MIGA1: variants seen among roughly 807,000 people sequenced by gnomAD.
MIGA1 encodes the protein family with sequence similarity 73, member A.
In MIGA1, 58 loss-of-function variants were observed where a neutral mutation model predicts 82.0. That is an observed-to-expected ratio of 0.71 (90% CI 0.57 to 0.88). MIGA1 has a LOEUF of 0.88. Among genes scored for constraint, MIGA1 ranks in the 40% least tolerant of loss-of-function variants. The probability of loss-of-function intolerance (pLI) is 0.00; values close to 1 mark genes in which losing one functional copy is unlikely to be tolerated. For synonymous variants in MIGA1, 249 were observed against 253.6 expected, an observed-to-expected ratio of 0.98 and a Z score of 0.17; for missense variants, 751 against 749.1, an observed-to-expected ratio of 1.00 and a Z score of -0.03.
At chr1:77,781,538 T>G (rs1467913838) in intron 1 of MIGA1, among the ~76,000 whole-genome samples, 1 of 152,176 alleles carries the variant, frequency 6.6e-6, no homozygotes, top group South Asian at 2.1e-4. Context: ...ACAAACAGAC[T>G]TATAAGGAAA....
At chr1:77,865,496 G>T (rs1307315746) in intron 13 of MIGA1, among the ~76,000 whole-genome samples, 1 of 152,102 alleles carries the variant, frequency 6.6e-6, no homozygotes, top group Non-Finnish European at 1.5e-5. Flanking sequence ...AGGAGGCTGA[G>T]GTGGGAGGTT....
chr1:77,812,707 T>C (rs971540096), intron 5 of MIGA1, among the ~76,000 whole-genome samples: 2 of 152,224 alleles, frequency 1.3e-5, no homozygotes, highest in African/African-American at 4.8e-5. Context: ...TGCATAGTTA[T>C]TTTTGTAAGC....
intron 12 of MIGA1, 106 bp from the exon 13 acceptor site, chr1:77,863,788 T>C (rs1685558957): frequency 1.3e-6 from 1 of 747,562 alleles, no homozygotes; most frequent in South Asian, 2.5e-5. Context: ...TTGAATAAGC[T>C]GATTAAAAAA....
chr1:77,838,254 C>T (rs534814869), intron 7 of MIGA1, among the ~76,000 whole-genome samples: 1 of 152,274 alleles, frequency 6.6e-6, no homozygotes, highest in South Asian at 2.1e-4. Context: ...CAAGATGGCT[C>T]TTCTTGTAAT....
chr1:77,800,342 G>A (rs1682824771), intron 2 of MIGA1, among the ~76,000 whole-genome samples: 3 of 152,130 alleles, frequency 2.0e-5, no homozygotes, highest in Admixed American at 2.0e-4. Context: ...TCTTGCTAAC[G>A]TCATGCTATG....
intron 5 of MIGA1, among the ~76,000 whole-genome samples, chr1:77,807,729 A>G (rs933045925): frequency 6.6e-6 from 1 of 152,050 alleles, no homozygotes; most frequent in Non-Finnish European, 1.5e-5. Context: ...GTGGCTTCCA[A>G]CATTGTTTGG....
At chr1:77,800,417 G>C (rs1365871866) in intron 2 of MIGA1, among the ~76,000 whole-genome samples, 1 of 152,108 alleles carries the variant, frequency 6.6e-6, no homozygotes, top group Non-Finnish European at 1.5e-5. Context: ...GTTAGTTTAG[G>C]GGGCAATTGG....
At chr1:77,871,550 A>G (rs1646834581) in intron 14 of MIGA1, among the ~76,000 whole-genome samples, 2 of 152,020 alleles carry the variant, frequency 1.3e-5, no homozygotes, top group South Asian at 4.1e-4. Context: ...TGTCTTGGAG[A>G]CTGTAAAATA....
In MIGA1 at chr1:77,823,088, G is replaced by T. The variant is rs1337997030; in HGVS notation, c.895+7857G>T. Among the ~76,000 whole-genome samples the T allele has an allele frequency of 5.3e-5, 8 of 151,990 alleles. No individual in the cohort carries two copies. In the South Asian group the frequency reaches 8.3e-4, roughly 16 times the overall value. ...GAACTCCTGACCTCGTGATCCTCCC[G>T]CCTCGGCCTCCCAAAGTGCTGGAAT... On this transcript the variant is annotated intron_variant, in intron 7 of 15. Coordinates refer to ENST00000370791, the MANE Select transcript of MIGA1 (RefSeq NM_198549.4).
chr1:77,878,882 A>T lies in MIGA1; in HGVS notation c.*3818A>T, dbSNP rs927498615. ...TCATAAAGTAATATTCTTTATTTGC[A>T]TCCATTTACTATGATTCCGTTAATT... On this transcript the variant is annotated 3_prime_UTR_variant, in exon 16 of 16. Transcript: ENST00000370791. 2.0e-5 allele frequency: 7 copies of T among 356,658 alleles called. No homozygotes were observed. The Admixed American group carries it at 2.4e-4, about 12-fold the overall frequency. The allele number at this position is 356,658 out of a possible 1,614,324, so 22.1% of individuals were successfully genotyped here.
rs1318123731 is a variant in MIGA1, at chr1:77,875,086, T to C, written c.*22T>C. ...ATAAGTACCATAAGAATCATACAAT[T>C]TGAGTGTGCTATGAAATATTTTAAG... On this transcript the variant is annotated 3_prime_UTR_variant, in exon 16 of 16. Coordinates refer to ENST00000370791, the MANE Select transcript of MIGA1 (RefSeq NM_198549.4). 1 of 1,540,554 alleles carries C rather than the reference T, an allele frequency of 6.5e-7. No homozygotes were observed. The highest frequency in any genetic ancestry group is 2.3e-5 in the East Asian group (1 of 44,412).
intron 8 of MIGA1, chr1:77,847,302 C>G (rs1275528533): frequency 1.1e-6 from 1 of 929,448 alleles, no homozygotes. Flanking sequence ...CCAGAAGGCC[C>G]TTGCAGAAAA....
At chr1:77,823,395 C>T (rs953546287) in intron 7 of MIGA1, among the ~76,000 whole-genome samples, 1 of 152,066 alleles carries the variant, frequency 6.6e-6, no homozygotes, top group African/African-American at 2.4e-5. Flanking sequence ...ACACATTGCA[C>T]ACTTAAAGGG....
intron 8 of MIGA1, chr1:77,847,654 T>TA: frequency 6.4e-7 from 1 of 1,567,278 alleles, no homozygotes; most frequent in South Asian, 1.1e-5. Flanking sequence ...TGTTTGGATG[T>TA]AACCAAGCAG....
intron 8 of MIGA1, among the ~76,000 whole-genome samples, chr1:77,850,874 G>C (rs201309099): frequency 7.4e-6 from 1 of 135,358 alleles, no homozygotes; most frequent in Non-Finnish European, 1.6e-5. Context: ...TTTTTTTTTT[G>C]TTTTGTTTTT....
intron 8 of MIGA1, chr1:77,847,281 CA>C (rs1254295963): frequency 2.1e-6 from 2 of 958,048 alleles, no homozygotes; most frequent in Non-Finnish European, 3.4e-6. Context: ...TGAAACAGAC[CA>C]AACTGGAATC....
intron 8 of MIGA1, among the ~76,000 whole-genome samples, chr1:77,851,704 T>C (rs1685057327): frequency 6.6e-6 from 1 of 152,158 alleles, no homozygotes; most frequent in Admixed American, 6.5e-5. Flanking sequence ...GCTGCAGTCT[T>C]ATTTTAGGAG....
intron 14 of MIGA1, among the ~76,000 whole-genome samples, chr1:77,871,580 C>A (rs1646835052): frequency 6.6e-6 from 1 of 152,074 alleles, no homozygotes; most frequent in Admixed American, 6.5e-5. Context: ...CCCCGCCCCC[C>A]AGGAGACAGA....
At chr1:77,838,337 T>C (rs1348071615) in intron 7 of MIGA1, among the ~76,000 whole-genome samples, 1 of 151,648 alleles carries the variant, frequency 6.6e-6, no homozygotes, top group African/African-American at 2.4e-5. Context: ...TATTTATTTA[T>C]TTATTTATTT....
Sources: allele counts gnomAD v4.1 joint callset (sites outside exome capture counted in the v4.1 genomes callset), GRCh38; gene constraint gnomAD v4.1.1; transcripts MANE v1.5; gene names NCBI Gene and HGNC (gene_info 2026-07-23, HGNC 2026-07-21).